Variants in NEBL observed in about 807,000 individuals in gnomAD.
NEBL encodes nebulette.
Under a neutral mutation model 140.2 loss-of-function variants are expected in NEBL, and 122 were observed. That is an observed-to-expected ratio of 0.87 (90% CI 0.75 to 1.01). NEBL has a LOEUF of 1.01. NEBL is among the 50% of genes least tolerant of loss of function. The pLI is 0.00. For synonymous variants in NEBL, 436 were observed against 398.9 expected (o/e 1.09, Z -1.11); for missense variants, 1,365 against 1,231.3 (o/e 1.11, Z -1.62).
chr10:20,891,324 T>G (rs545299105), intron 2 of NEBL, among the ~76,000 whole-genome samples: 2 of 152,312 alleles, frequency 1.3e-5, no homozygotes, highest in South Asian at 4.1e-4. Flanking sequence ...TTAGCCATAA[T>G]TTTAGGTTCC....
chr10:21,062,167 C>T (rs191764833), intron 2 of NEBL, among the ~76,000 whole-genome samples: 1 of 152,178 alleles, frequency 6.6e-6, no homozygotes, highest in African/African-American at 2.4e-5. Context: ...AAGTTTTTAG[C>T]ATTTCAGCAG....
chr10:21,144,444 G>A (rs112475831), intron 2 of NEBL, among the ~76,000 whole-genome samples: 199 of 152,326 alleles, frequency 1.3e-3, no homozygotes, highest in African/African-American at 4.2e-3. Flanking sequence ...ATCAGAATGG[G>A]GCCGGGTGCT....
At chr10:20,871,072 C>G (rs910751604) in intron 5 of NEBL, among the ~76,000 whole-genome samples, 2 of 152,184 alleles carry the variant, frequency 1.3e-5, no homozygotes, top group African/African-American at 4.8e-5. Flanking sequence ...CTATTAAAGT[C>G]ATAATGCAAA....
chr10:21,250,020 C>A, intron 2 of NEBL, among the ~76,000 whole-genome samples: 1 of 152,134 alleles, frequency 6.6e-6, no homozygotes, highest in East Asian at 1.9e-4. Context: ...GCCAAGATCA[C>A]GCCAGTGCAC....
At chr10:20,810,122 G>A (rs530077290) in intron 24 of NEBL, among the ~76,000 whole-genome samples, 1 of 152,108 alleles carries the variant, frequency 6.6e-6, no homozygotes. Context: ...TAATCAGATT[G>A]AAGTTGCCTG....
In NEBL at chr10:20,886,270, C is replaced by T. The variant is rs375206337; in HGVS notation, c.369+1827G>A. 2.2e-4 allele frequency among the ~76,000 whole-genome samples: 34 copies of T among 152,192 alleles called. No individual in the cohort carries two copies. The South Asian group carries it at 7.1e-3, about 32-fold the overall frequency. ...GGGCGCAATGGCTCACACCTGTAAT[C>T]CCTGCACTTTGGGAGTCTGAGGTGG... On this transcript the variant is annotated intron_variant, in intron 4 of 27. Transcript: ENST00000377122.
At chr10:21,267,036 G>A (rs1385320635) in intron 1 of NEBL, among the ~76,000 whole-genome samples, 6 of 151,786 alleles carry the variant, frequency 4.0e-5, no homozygotes, top group African/African-American at 1.2e-4. Context: ...GTGCAACGGC[G>A]CGATCTCGGC....
chr10:21,167,926 A>C (rs1979487), intron 2 of NEBL, among the ~76,000 whole-genome samples: 1 of 152,106 alleles, frequency 6.6e-6, no homozygotes, highest in Admixed American at 6.6e-5. Flanking sequence ...ATAAAAGCTT[A>C]TGAAAACATG....
At chr10:20,858,218 T>C (rs777396776) in intron 9 of NEBL, 22 bp downstream of exon 9, 1 of 1,549,836 alleles carries the variant, frequency 6.5e-7, no homozygotes, top group Non-Finnish European at 8.9e-7. Context: ...CAACTACGGT[T>C]GCCGCTAGAT....
At chr10:20,861,054 A>C (rs142682153) in intron 7 of NEBL, among the ~76,000 whole-genome samples, 2,133 of 150,958 alleles carry the variant, frequency 0.014, 25 homozygotes, top group Non-Finnish European at 0.022. Flanking sequence ...AAAAAAGAAA[A>C]ACTGACTTTT....
chr10:20,889,388 C>G (rs1319509655), intron 3 of NEBL, among the ~76,000 whole-genome samples: 1 of 152,098 alleles, frequency 6.6e-6, no homozygotes, highest in African/African-American at 2.4e-5. Flanking sequence ...TTATCCTACT[C>G]CAAAATAGTT....
At chr10:20,847,568 G>A (rs888186777) in intron 11 of NEBL, among the ~76,000 whole-genome samples, 1 of 152,038 alleles carries the variant, frequency 6.6e-6, no homozygotes, top group African/African-American at 2.4e-5. Flanking sequence ...CAACCAGAAT[G>A]ATAAAAGGTT....
intron 2 of NEBL, among the ~76,000 whole-genome samples, chr10:21,041,164 T>A (rs1834251667): frequency 6.6e-6 from 1 of 152,218 alleles, no homozygotes; most frequent in African/African-American, 2.4e-5. Flanking sequence ...AACCAGGTAA[T>A]CAGCATAATA....
At chr10:21,108,984 G>A (rs185349182) in intron 2 of NEBL, among the ~76,000 whole-genome samples, 119 of 152,154 alleles carry the variant, frequency 7.8e-4, no homozygotes, top group African/African-American at 2.2e-3. Context: ...TTGGAATACC[G>A]TTTATTTCTT....
At chr10:21,008,648 A>T (rs1373762210) in intron 3 of NEBL, among the ~76,000 whole-genome samples, 2 of 152,204 alleles carry the variant, frequency 1.3e-5, no homozygotes, top group African/African-American at 4.8e-5. Flanking sequence ...ATCAAAAAAT[A>T]ATAGATGTTG....
intron 2 of NEBL, among the ~76,000 whole-genome samples, chr10:21,081,333 G>A (rs1322669468): frequency 6.6e-6 from 1 of 152,184 alleles, no homozygotes; most frequent in Non-Finnish European, 1.5e-5. Context: ...GGCTTTCATG[G>A]GAAGCAGGGG....
chr10:20,872,654 G>T (rs1845063881), intron 5 of NEBL, among the ~76,000 whole-genome samples: 1 of 152,154 alleles, frequency 6.6e-6, no homozygotes, highest in South Asian at 2.1e-4. Flanking sequence ...GAGATAGGAG[G>T]TTGGCAAAAG....
chr10:21,216,417 A>T (rs1841993428), intron 3 of NEBL, among the ~76,000 whole-genome samples: 1 of 152,166 alleles, frequency 6.6e-6, no homozygotes, highest in Admixed American at 6.5e-5. Flanking sequence ...GCACTTTGGG[A>T]GGCCCAGGCG....
At chr10:21,029,644 G>C in intron 2 of NEBL, 2 of 1,334,468 alleles carry the variant, frequency 1.5e-6, no homozygotes, top group Non-Finnish European at 2.2e-6. Flanking sequence ...GCCTAGAAGG[G>C]GTGATGATAG....
Sources: allele counts gnomAD v4.1 joint callset (sites outside exome capture counted in the v4.1 genomes callset), GRCh38; gene constraint gnomAD v4.1.1; transcripts MANE v1.5; gene names NCBI Gene and HGNC (gene_info 2026-07-23, HGNC 2026-07-21).